The following FMNL3 variants were observed in gnomAD, a reference collection of about 807,000 sequenced individuals.
The protein encoded by FMNL3 is formin like 3, also known as formin-like protein 3.
In FMNL3, 57 loss-of-function variants were observed where a neutral mutation model predicts 119.6. The ratio of observed to expected loss-of-function variants is 0.48; its 90% CI spans 0.39 to 0.59. FMNL3 has a LOEUF of 0.59. Among genes scored for constraint, FMNL3 ranks in the 20% least tolerant of loss-of-function variants. The probability of loss-of-function intolerance (pLI) is 0.00; values close to 1 mark genes in which losing one functional copy is unlikely to be tolerated. For synonymous variants in FMNL3, 491 were observed against 507.3 expected (o/e 0.97, Z 0.43); for missense variants, 1,053 against 1,323.5 (o/e 0.80, Z 3.17).
chr12:49,704,754 T>TATATTGAG (rs1250295244), intron 1 of FMNL3, among the ~76,000 whole-genome samples: 2 of 147,492 alleles, frequency 1.4e-5, no homozygotes, highest in Non-Finnish European at 3.0e-5. Flanking sequence ...ATCTATAATC[T>TATATTGAG]ATATTGAGTA....
rs1942805728 is a variant in FMNL3, at chr12:49,642,477, G to T, written c.*3338C>A. 7.0e-6 allele frequency: 11 copies of T among 1,577,096 alleles called. No homozygotes were observed. In the Admixed American group the frequency reaches 1.9e-4, roughly 27 times the overall value. Reference sequence around the variant, plus strand: ...ACGTCACAGCCCTGGGCCAGCTCCAGTTCCCTTCCTTTCTCTGCCCCAGCC... The same window carrying T: ...ACGTCACAGCCCTGGGCCAGCTCCATTTCCCTTCCTTTCTCTGCCCCAGCC... On this transcript the variant is annotated 3_prime_UTR_variant, in exon 26 of 26. Coordinates refer to ENST00000335154, the MANE Select transcript of FMNL3 (RefSeq NM_175736.5). The surrounding 1 kb of genome is among the most constrained non-coding windows in gnomAD (Gnocchi z 5.8).
intron 1 of FMNL3, among the ~76,000 whole-genome samples, chr12:49,691,593 T>C (rs1028830850): frequency 6.6e-6 from 1 of 152,220 alleles, no homozygotes; most frequent in Non-Finnish European, 1.5e-5. Flanking sequence ...CTTAGGATTC[T>C]TTTTACTGTG....
chr12:49,669,818 A>C (rs1443440773), intron 1 of FMNL3, among the ~76,000 whole-genome samples: 1 of 149,152 alleles, frequency 6.7e-6, no homozygotes, highest in Non-Finnish European at 1.5e-5. Flanking sequence ...GGCAACAGAG[A>C]AAGATTCTAT....
Position 49,644,267 on chromosome 12 carries a change from C to CT in FMNL3, c.*1547dup. 1.3e-6 allele frequency: 2 copies of CT among 1,525,922 alleles called. No homozygotes were observed. Among genetic ancestry groups the CT allele is most frequent in the Non-Finnish European group, 1.8e-6 (2 of 1,105,518 alleles). The allele number at this position is 1,525,922 out of a possible 1,614,324, so 94.5% of individuals were successfully genotyped here. The stretch of plus-strand genomic sequence containing the variant: ...GGCCACCCTCACCGTCTGCCTCAGA[C>CT]TTCTTCCTTAGTCTGGTCTGTGTCC... On this transcript the variant is annotated 3_prime_UTR_variant, in exon 26 of 26. Coordinates refer to ENST00000335154, the MANE Select transcript of FMNL3 (RefSeq NM_175736.5).
intron 1 of FMNL3, among the ~76,000 whole-genome samples, chr12:49,681,480 C>T (rs574701889): frequency 2.0e-5 from 3 of 151,708 alleles, no homozygotes; most frequent in African/African-American, 2.4e-5. Context: ...TGAGCCACTG[C>T]GCCCTGCCTG....
At position 49,636,901 on chromosome 12, in the gene FMNL3, A is replaced by G. The variant is rs936492590; in HGVS notation, c.*8914T>C. The G allele has an allele frequency of 1.3e-5, 21 of 1,608,496 alleles. No individual in the cohort carries two copies. The highest frequency in any genetic ancestry group is 1.7e-5 in the Non-Finnish European group (20 of 1,177,840). On this transcript the variant is annotated 3_prime_UTR_variant, in exon 26 of 26. Coordinates refer to ENST00000335154, the MANE Select transcript of FMNL3 (RefSeq NM_175736.5). ...GAGCTCAGCTCTGCCCTAGAGCACA[A>G]CCTCTTCACCCATTCCCTGCCCCCT...
chr12:49,647,622 G>T lies in FMNL3; in HGVS notation c.2778+81C>A. 2 of 1,275,834 alleles carry T rather than the reference G, an allele frequency of 1.6e-6. No homozygotes were observed. Among genetic ancestry groups the T allele is most frequent in the Non-Finnish European group, 1.1e-6 (1 of 882,678 alleles). The allele number at this position is 1,275,834 out of a possible 1,614,324, so 79.0% of individuals were successfully genotyped here. On this transcript the variant is annotated intron_variant, in intron 23 of 25. Transcript: ENST00000335154. The surrounding 1 kb of genome is among the most constrained non-coding windows in gnomAD (Gnocchi z 4.9). ...GGACTCGGAGGAGGAGTCGGAAAAG[G>T]CCCATACTTTAAGCCCAGGCTTCTC...
At chr12:49,657,217 T>C (rs749842674) in intron 6 of FMNL3, 27 bp from the exon 7 acceptor site, 1 of 1,579,282 alleles carries the variant, frequency 6.3e-7, no homozygotes, top group South Asian at 1.1e-5. Context: ...GGCAGTCAGG[T>C]GGGAGCTGAG....
chr12:49,655,119 GC>G, intron 9 of FMNL3, 135 bp from the exon 10 acceptor site: 1 of 748,530 alleles, frequency 1.3e-6, no homozygotes, highest in Non-Finnish European at 2.2e-6. Context: ...TATGAAATAG[GC>G]CATTCTGGAC....
At position 49,642,195 on chromosome 12, in the gene FMNL3, C is replaced by A; in HGVS notation, c.*3620G>T. The A allele has an allele frequency of 6.2e-7, 1 of 1,613,832 alleles. No homozygotes were observed. The highest frequency in any genetic ancestry group is 8.5e-7 in the Non-Finnish European group (1 of 1,179,904). ...TGCCTGAGTGGGACCTGGCATCCAC[C>A]CTCCTGGGTGACCCTGTTCCGTGTC... On this transcript the variant is annotated 3_prime_UTR_variant, in exon 26 of 26. Transcript: ENST00000335154. This position sits in a 1 kb window ranked among gnomAD's most constrained non-coding sequence, Gnocchi z 5.8.
At chr12:49,706,003 C>T (rs201215835) in intron 1 of FMNL3, among the ~76,000 whole-genome samples, 1 of 151,888 alleles carries the variant, frequency 6.6e-6, no homozygotes, top group Admixed American at 6.5e-5. Flanking sequence ...AAGGCAGAGT[C>T]GGCCATACCA....
At chr12:49,655,442 T>G (rs1943540264) in intron 9 of FMNL3, among the ~76,000 whole-genome samples, 1 of 151,832 alleles carries the variant, frequency 6.6e-6, no homozygotes, top group Non-Finnish European at 1.5e-5. Context: ...AAAAAGAAAA[T>G]AAAGAAAACT....
At chr12:49,668,377 G>A (rs1943948421) in intron 2 of FMNL3, 94 bp downstream of exon 2, 3 of 1,179,182 alleles carry the variant, frequency 2.5e-6, no homozygotes, top group East Asian at 4.8e-5. Flanking sequence ...GTTCCTCAAG[G>A]AACCCAAGGC....
Position 49,643,582 on chromosome 12 carries a change from C to A in FMNL3, c.*2233G>T. ...AGAAGGAAAACTGGACTTAGACTTCCTCAGAGCATGAGGTTCCTGCCTGTG... is the reference window on the plus strand; with the variant it reads ...AGAAGGAAAACTGGACTTAGACTTCATCAGAGCATGAGGTTCCTGCCTGTG... On this transcript the variant is annotated 3_prime_UTR_variant, in exon 26 of 26. Coordinates refer to ENST00000335154, the MANE Select transcript of FMNL3 (RefSeq NM_175736.5). 7.2e-7 allele frequency: 1 copy of A among 1,398,170 alleles called. No individual in the cohort carries two copies. The highest frequency in any genetic ancestry group is 9.7e-7 in the Non-Finnish European group (1 of 1,033,344). The allele number at this position is 1,398,170 out of a possible 1,614,324, so 86.6% of individuals were successfully genotyped here. A position where few individuals can be genotyped will look rare whatever the true frequency, so the allele number is the denominator to read the frequency against.
intron 1 of FMNL3, among the ~76,000 whole-genome samples, chr12:49,700,714 CAAAAAAAAAAA>C (rs59073094): frequency 1.6e-5 from 1 of 64,006 alleles, no homozygotes; most frequent in Non-Finnish European, 2.8e-5. Flanking sequence ...GACTCCACCT[CAAAAAAAAAAA>C]AAAAAAAAAA....
rs749354005 is a variant in FMNL3 at position 49,649,084 on chromosome 12, G to A, written c.2460C>T (p.Tyr820=). ...CATGCCAGAAGTTAGCCAGGTCTGG[G>A]TATTTCTCCTTCACTGTCAAGGCGA... ...HFIALTVKEK[Y]PDLANFWHEL... Residue 820 remains tyrosine, a synonymous_variant, in exon 21 of 26, where the codon TAC becomes TAT. Coordinates refer to ENST00000335154, the MANE Select transcript of FMNL3 (RefSeq NM_175736.5). This position sits in a 1 kb window ranked among gnomAD's most constrained non-coding sequence, Gnocchi z 5.6. 3 of 1,613,500 alleles carry A rather than the reference G, an allele frequency of 1.9e-6. No homozygotes were observed. The highest frequency in any genetic ancestry group is 2.5e-6 in the Non-Finnish European group (3 of 1,179,654).
At chr12:49,676,229 T>C (rs549992561) in intron 1 of FMNL3, among the ~76,000 whole-genome samples, 1 of 152,332 alleles carries the variant, frequency 6.6e-6, no homozygotes, top group East Asian at 1.9e-4. Flanking sequence ...AGAATTAATA[T>C]GTTTGTCAGC....
At position 49,642,289 on chromosome 12, in the gene FMNL3, A is replaced by G. The variant is rs1942784012; in HGVS notation, c.*3526T>C. 1 of 1,614,214 alleles carries G rather than the reference A, an allele frequency of 6.2e-7. No homozygotes were observed. On this transcript the variant is annotated 3_prime_UTR_variant, in exon 26 of 26. Transcript: ENST00000335154. The surrounding 1 kb of genome is among the most constrained non-coding windows in gnomAD (Gnocchi z 5.8). Reference sequence around the variant, plus strand: ...GGAGCGGGAGAAGGAGGAGGCACGCAGGATGCGGCGCAGGGAAGCTGCCTT... The same window carrying G: ...GGAGCGGGAGAAGGAGGAGGCACGCGGGATGCGGCGCAGGGAAGCTGCCTT...
At position 49,643,845 on chromosome 12, in the gene FMNL3, C is replaced by T. The variant is rs1269184488; in HGVS notation, c.*1970G>A. 5 of 1,614,122 alleles carry T rather than the reference C, an allele frequency of 3.1e-6. No individual in the cohort carries two copies. The highest frequency in any genetic ancestry group is 1.7e-5 in the Admixed American group (1 of 60,012). On this transcript the variant is annotated 3_prime_UTR_variant, in exon 26 of 26. Coordinates refer to ENST00000335154, the MANE Select transcript of FMNL3 (RefSeq NM_175736.5). ...TATCCACAGGAACTGAGGAGGTGGG[C>T]TCTGGACTCTTACAGAATAGTCCTG...
Sources: allele counts gnomAD v4.1 joint callset (sites outside exome capture counted in the v4.1 genomes callset), GRCh38; gene constraint gnomAD v4.1.1; non-coding constraint Gnocchi (gnomAD v3.1); transcripts MANE v1.5; gene names NCBI Gene and HGNC (gene_info 2026-07-23, HGNC 2026-07-21).